PPP2R2B: variants seen among roughly 807,000 people sequenced by gnomAD.
PPP2R2B encodes serine/threonine-protein phosphatase 2A 55 kDa regulatory subunit B beta isoform.
A neutral mutation model predicts 46.0 loss-of-function variants in PPP2R2B; 5 were observed. That is an observed-to-expected ratio of 0.11 (90% confidence interval 0.06 to 0.23). The LOEUF (loss-of-function observed/expected upper bound fraction) is 0.23. Among genes scored for constraint, PPP2R2B ranks in the 10% least tolerant of loss-of-function variants. The pLI, the probability that PPP2R2B is intolerant of heterozygous loss-of-function variation, is 1.00. For synonymous variants in PPP2R2B, 215 were observed against 206.7 expected (o/e 1.04, Z -0.34); for missense variants, 367 against 575.0 (o/e 0.64, Z 3.70).
chr5:146,966,658 G>A (rs949110752), intron 1 of PPP2R2B, among the ~76,000 whole-genome samples: 2 of 152,142 alleles, frequency 1.3e-5, no homozygotes, highest in Non-Finnish European at 2.9e-5. Context: ...CAAGTGTGGG[G>A]CCATGTGAGC....
chr5:146,681,373 G>A (rs948612192), intron 5 of PPP2R2B, among the ~76,000 whole-genome samples: 3 of 152,126 alleles, frequency 2.0e-5, no homozygotes, highest in Admixed American at 6.5e-5. Context: ...CTTGGGTGTT[G>A]TATGCCATGT....
chr5:147,024,156 T>TATCTATCC (rs1474907177), intron 1 of PPP2R2B, among the ~76,000 whole-genome samples: 5 of 135,680 alleles, frequency 3.7e-5, no homozygotes, highest in African/African-American at 5.7e-5. Flanking sequence ...TCCCCTCCTC[T>TATCTATCC]ATCTATCTAT....
chr5:146,755,542 G>A (rs776381774), intron 2 of PPP2R2B, among the ~76,000 whole-genome samples: 1 of 152,162 alleles, frequency 6.6e-6, no homozygotes, highest in South Asian at 2.1e-4. Flanking sequence ...AGGTCAAAGA[G>A]ACCTTTCTTT....
chr5:146,945,902 T>G (rs1417610358), intron 1 of PPP2R2B, among the ~76,000 whole-genome samples: 1 of 152,144 alleles, frequency 6.6e-6, no homozygotes, highest in African/African-American at 2.4e-5. Context: ...TATGGACCCC[T>G]GCCTAATGGT....
At chr5:146,868,573 G>T (rs1044714443) in intron 2 of PPP2R2B, among the ~76,000 whole-genome samples, 4 of 152,152 alleles carry the variant, frequency 2.6e-5, no homozygotes, top group African/African-American at 9.7e-5. Context: ...CTGAAGCCCA[G>T]AGAATAAAAG....
At chr5:147,026,536 ATC>A (rs1175973244) in intron 1 of PPP2R2B, among the ~76,000 whole-genome samples, 1 of 152,138 alleles carries the variant, frequency 6.6e-6, no homozygotes, top group Non-Finnish European at 1.5e-5. Context: ...ATGTGTATAT[ATC>A]TCTCTATATA....
intron 2 of PPP2R2B, chr5:146,706,792 C>G (rs1352407087): frequency 1.2e-6 from 1 of 841,888 alleles, no homozygotes; most frequent in African/African-American, 1.7e-5. Flanking sequence ...CGGCCTCAGC[C>G]CGACTGCGGT....
chr5:146,910,697 C>T (rs1218874601), intron 1 of PPP2R2B, among the ~76,000 whole-genome samples: 1 of 152,154 alleles, frequency 6.6e-6, no homozygotes, highest in Admixed American at 6.5e-5. Context: ...GTTAATAATA[C>T]ATTACATTGT....
chr5:146,963,247 C>T (rs1322274995), intron 1 of PPP2R2B, among the ~76,000 whole-genome samples: 6 of 152,158 alleles, frequency 3.9e-5, no homozygotes, highest in Non-Finnish European at 7.4e-5. Context: ...ATGAGATTTG[C>T]TGTCTTCATG....
chr5:146,976,916 A>G (rs1421374209), intron 1 of PPP2R2B, among the ~76,000 whole-genome samples: 13 of 152,200 alleles, frequency 8.5e-5, no homozygotes, highest in Non-Finnish European at 7.3e-5. Flanking sequence ...CATAGAGATT[A>G]AAAGAACAGG....
Position 146,599,758 on chromosome 5 carries a change from C to G in PPP2R2B, c.960+533G>C, listed in dbSNP as rs924583898. Among the ~76,000 whole-genome samples, 3 of 152,180 alleles carry G rather than the reference C, an allele frequency of 2.0e-5. No individual in the cohort carries two copies. In the South Asian group the frequency reaches 6.2e-4, roughly 32 times the overall value. On this transcript the variant is annotated intron_variant, in intron 8 of 9. Coordinates refer to ENST00000394411, the MANE Select transcript of PPP2R2B (RefSeq NM_181675.4). ...TGGTTTGCTGCACCCATCAACCCGT[C>G]ATCTACATTAGGTATTTCTCCTAAT...
At position 146,581,733 on chromosome 5, in the gene PPP2R2B, C is replaced by A. The variant is rs2150986669; in HGVS notation, c.*8214G>T. On this transcript the variant is annotated 3_prime_UTR_variant, in exon 10 of 10. Transcript: ENST00000394411. ...TGTGGCTTGTATGTAATATGACTCACTTTACTTTCCTTTACGGAGAAATAG... is the reference window on the plus strand; with the variant it reads ...TGTGGCTTGTATGTAATATGACTCAATTTACTTTCCTTTACGGAGAAATAG... 1 of 152,306 alleles carries A rather than the reference C, an allele frequency of 6.6e-6. No individual in the cohort carries two copies. The highest frequency in any genetic ancestry group is 2.1e-4 in the South Asian group (1 of 4,832). The allele number at this position is 152,306 out of a possible 1,614,324, so 9.4% of individuals were successfully genotyped here. A position where few individuals can be genotyped will look rare whatever the true frequency, so the allele number is the denominator to read the frequency against.
intron 1 of PPP2R2B, among the ~76,000 whole-genome samples, chr5:146,978,365 T>G (rs538282344): frequency 6.6e-6 from 1 of 152,312 alleles, no homozygotes; most frequent in East Asian, 1.9e-4. Context: ...GCAGAAGCTC[T>G]TTAGGTTAAT....
intron 1 of PPP2R2B, among the ~76,000 whole-genome samples, chr5:146,976,714 T>C (rs941119837): frequency 2.6e-5 from 4 of 152,342 alleles, no homozygotes; most frequent in Admixed American, 6.5e-5. Context: ...ACCATATGGA[T>C]TTATTTAATG....
intron 2 of PPP2R2B, among the ~76,000 whole-genome samples, chr5:146,784,155 C>T (rs1755700302): frequency 6.6e-6 from 1 of 152,114 alleles, no homozygotes; most frequent in South Asian, 2.1e-4. Flanking sequence ...GCCTATTTTT[C>T]CCCAAAATGG....
chr5:147,063,661 G>A (rs1375300331), intron 2 of PPP2R2B, among the ~76,000 whole-genome samples: 1 of 152,158 alleles, frequency 6.6e-6, no homozygotes, highest in Non-Finnish European at 1.5e-5. Flanking sequence ...TGAATATTAT[G>A]AAGAGGAACC....
chr5:146,852,433 G>C (rs1024605775), intron 2 of PPP2R2B, among the ~76,000 whole-genome samples: 18 of 152,212 alleles, frequency 1.2e-4, no homozygotes, highest in Middle Eastern at 3.4e-3. Context: ...TAGTATATCT[G>C]AATAACAGTC....
At chr5:146,896,718 T>G (rs753338476) in intron 1 of PPP2R2B, among the ~76,000 whole-genome samples, 2 of 152,114 alleles carry the variant, frequency 1.3e-5, no homozygotes, top group Non-Finnish European at 2.9e-5. Flanking sequence ...ACTTTCCTGT[T>G]ATTCAGAACA....
intron 1 of PPP2R2B, among the ~76,000 whole-genome samples, chr5:146,886,035 T>C (rs931930768): frequency 3.3e-5 from 5 of 151,352 alleles, no homozygotes; most frequent in Middle Eastern, 6.8e-3. Context: ...GTGTTGAAAA[T>C]GTTCTAAAAT....
Sources: gnomAD v4.1 joint callset for allele counts (sites outside exome capture counted in the v4.1 genomes callset) on GRCh38, gnomAD v4.1.1 for gene constraint, MANE v1.5 for transcripts, NCBI Gene and HGNC (gene_info 2026-07-23, HGNC 2026-07-21) for gene names.